Variants in PDE4D observed in about 807,000 individuals in gnomAD.
PDE4D encodes phosphodiesterase 4D.
In PDE4D, 24 loss-of-function variants were observed where a neutral mutation model predicts 87.4. The ratio of observed to expected loss-of-function variants is 0.27; its 90% CI spans 0.20 to 0.39. PDE4D has a LOEUF of 0.39. PDE4D is among the 10% of genes least tolerant of loss of function. The pLI, the probability that PDE4D is intolerant of heterozygous loss-of-function variation, is 1.00. For synonymous variants in PDE4D, 384 were observed against 383.2 expected (o/e 1.00, Z -0.02); for missense variants, 714 against 1,041.0 (o/e 0.69, Z 4.32).
chr5:59,273,955 T>C (rs1173765362), intron 1 of PDE4D, among the ~76,000 whole-genome samples: 1 of 152,072 alleles, frequency 6.6e-6, no homozygotes, highest in Non-Finnish European at 1.5e-5. Context: ...AAAAGAGAAA[T>C]AGTTTGGTTA....
At chr5:60,371,767 C>T (rs926509791) in intron 1 of PDE4D, among the ~76,000 whole-genome samples, 4 of 152,136 alleles carry the variant, frequency 2.6e-5, no homozygotes, top group Non-Finnish European at 5.9e-5. Flanking sequence ...ATGGCATGCA[C>T]TCTTTTGTAT....
chr5:60,214,373 C>T (rs1158450518), intron 1 of PDE4D, among the ~76,000 whole-genome samples: 2 of 152,110 alleles, frequency 1.3e-5, no homozygotes, highest in East Asian at 1.9e-4. Flanking sequence ...CTTGTGTTAT[C>T]TTCAATACTT....
intron 1 of PDE4D, among the ~76,000 whole-genome samples, chr5:60,213,100 C>T (rs17385322): frequency 0.069 from 10,558 of 152,246 alleles, 428 homozygotes; most frequent in Non-Finnish European, 0.097. Flanking sequence ...ACATTAATTT[C>T]TCCCTTCTTC....
intron 2 of PDE4D, among the ~76,000 whole-genome samples, chr5:60,185,213 A>C (rs1784687600): frequency 6.6e-6 from 1 of 152,160 alleles, no homozygotes; most frequent in Non-Finnish European, 1.5e-5. Flanking sequence ...AGACTTGCCC[A>C]GAAGGTTTCA....
At chr5:59,248,069 A>C (rs946897920) in intron 1 of PDE4D, among the ~76,000 whole-genome samples, 2 of 142,480 alleles carry the variant, frequency 1.4e-5, no homozygotes, top group Non-Finnish European at 3.0e-5. Flanking sequence ...AAAAAAAAAA[A>C]AGTGCAAGCA....
chr5:60,340,509 A>G (rs1758215371), intron 1 of PDE4D, among the ~76,000 whole-genome samples: 1 of 151,870 alleles, frequency 6.6e-6, no homozygotes. Flanking sequence ...CCACATCTCC[A>G]AGAAATCATA....
intron 1 of PDE4D, among the ~76,000 whole-genome samples, chr5:59,743,684 T>A (rs112099432): frequency 2.9e-4 from 44 of 152,170 alleles, no homozygotes; most frequent in African/African-American, 1.1e-3. Context: ...CCAAAAGAAT[T>A]AAAAGCAGGC....
chr5:59,345,660 T>C (rs980757415), intron 1 of PDE4D, among the ~76,000 whole-genome samples: 1 of 152,190 alleles, frequency 6.6e-6, no homozygotes, highest in African/African-American at 2.4e-5. Context: ...GATGACATTG[T>C]TATTACAGGC....
chr5:59,498,809 T>C (rs912696671), intron 1 of PDE4D, among the ~76,000 whole-genome samples: 2 of 152,012 alleles, frequency 1.3e-5, no homozygotes, highest in African/African-American at 4.8e-5. Context: ...TGAAAAGACT[T>C]TCATGGCCAC....
At chr5:59,703,563 G>A (rs907715068) in intron 1 of PDE4D, 1 of 534,254 alleles carries the variant, frequency 1.9e-6, no homozygotes, top group African/African-American at 1.9e-5. Flanking sequence ...ATTGAAGGGG[G>A]TTCTGGTGGT....
At chr5:59,993,485 G>T (rs1010088087) in intron 2 of PDE4D, among the ~76,000 whole-genome samples, 7 of 152,122 alleles carry the variant, frequency 4.6e-5, no homozygotes, top group African/African-American at 7.2e-5. Context: ...TCATGTTAAT[G>T]ACACAATGTT....
chr5:60,511,088 AC>A (rs1750551205), intron 1 of PDE4D, among the ~76,000 whole-genome samples: 1 of 151,870 alleles, frequency 6.6e-6, no homozygotes, highest in Admixed American at 6.6e-5. Context: ...TCCTGCCTCA[AC>A]CTCCCAAGTA....
intron 3 of PDE4D, among the ~76,000 whole-genome samples, chr5:59,902,404 G>A (rs1008444534): frequency 2.1e-4 from 32 of 152,080 alleles, no homozygotes; most frequent in Non-Finnish European, 4.4e-4. Context: ...GCATAGATCT[G>A]TGGACCATAC....
intron 1 of PDE4D, among the ~76,000 whole-genome samples, chr5:59,345,462 G>A (rs937174329): frequency 6.6e-6 from 1 of 152,126 alleles, no homozygotes; most frequent in African/African-American, 2.4e-5. Flanking sequence ...GCTGCATATG[G>A]ATCAAACAGG....
intron 1 of PDE4D, among the ~76,000 whole-genome samples, chr5:59,530,787 A>C (rs1328713372): frequency 6.6e-6 from 1 of 152,174 alleles, no homozygotes; most frequent in Non-Finnish European, 1.5e-5. Flanking sequence ...ATAACAAAAT[A>C]ATTACAATGA....
intron 2 of PDE4D, among the ~76,000 whole-genome samples, chr5:60,171,824 A>G (rs1319590174): frequency 6.6e-6 from 1 of 152,012 alleles, no homozygotes; most frequent in Non-Finnish European, 1.5e-5. Context: ...AAGAGGTCTA[A>G]AGTTCACTCT....
chr5:59,499,751 T>TGAATCCTG (rs1233923608), intron 1 of PDE4D, among the ~76,000 whole-genome samples: 2 of 151,632 alleles, frequency 1.3e-5, no homozygotes, highest in African/African-American at 4.8e-5. Flanking sequence ...AACAGACCAA[T>TGAATCCTG]AACAAGTAAT....
intron 6 of PDE4D, among the ~76,000 whole-genome samples, chr5:59,035,547 TAAC>T (rs1298859578): frequency 2.0e-5 from 3 of 152,118 alleles, no homozygotes; most frequent in African/African-American, 7.2e-5. Flanking sequence ...ATAATAGCAA[TAAC>T]AACAGATACA....
At chr5:60,208,766 G>A (rs1279885369) in intron 1 of PDE4D, among the ~76,000 whole-genome samples, 1 of 152,204 alleles carries the variant, frequency 6.6e-6, no homozygotes, top group African/African-American at 2.4e-5. Flanking sequence ...GCATCAAAGT[G>A]CAGTCTATCT....
Sources: allele counts gnomAD v4.1 joint callset (sites outside exome capture counted in the v4.1 genomes callset), GRCh38; gene constraint gnomAD v4.1.1; transcripts MANE v1.5; gene names NCBI Gene and HGNC (gene_info 2026-07-23, HGNC 2026-07-21).